WNT3: variants seen among roughly 807,000 people sequenced by gnomAD.
WNT3 encodes proto-oncogene Wnt-3.
A neutral mutation model predicts 34.2 loss-of-function variants in WNT3; 7 were observed. That is an observed-to-expected ratio of 0.20 (90% CI 0.12 to 0.38). The LOEUF (loss-of-function observed/expected upper bound fraction) is 0.38, where lower values mean the gene tolerates loss of function less well. Ranked by LOEUF, WNT3 falls within the 10% of genes least tolerant of loss-of-function variation. The probability of loss-of-function intolerance (pLI) is 1.00; values close to 1 mark genes in which losing one functional copy is unlikely to be tolerated. For synonymous variants in WNT3, 212 were observed against 211.5 expected (o/e 1.00, Z -0.02); for missense variants, 267 against 499.8 (o/e 0.53, Z 4.44).
rs545170358 is a variant in WNT3 at position 46,777,493 on chromosome 17, C to T, written c.81-3584G>A. ...GCATGGCTTGATTGGCCTCAAAGGT[C>T]GGAGTGCTTCCCAGACATCTCCAGG... On this transcript the variant is annotated intron_variant, in intron 1 of 4. Coordinates refer to ENST00000225512, the MANE Select transcript of WNT3 (RefSeq NM_030753.5). Among the ~76,000 whole-genome samples, 41 of 152,368 alleles carry T rather than the reference C, an allele frequency of 2.7e-4. 2 individuals carry two copies. Among genetic ancestry groups the T allele is most frequent in the South Asian group, 2.1e-3 (10 of 4,830 alleles).
intron 1 of WNT3, among the ~76,000 whole-genome samples, chr17:46,785,910 C>T (rs1371255908): frequency 2.0e-5 from 3 of 152,202 alleles, no homozygotes; most frequent in Non-Finnish European, 4.4e-5. Context: ...CTTCTGTTCT[C>T]CAAAGCAGCT....
Position 46,784,770 on chromosome 17 carries a change from T to G in WNT3, c.81-10861A>C, listed in dbSNP as rs1006694163. Among the ~76,000 whole-genome samples, 30 of 126,056 alleles carry G rather than the reference T, an allele frequency of 2.4e-4. No homozygotes were observed. In the Admixed American group the frequency reaches 2.7e-3, roughly 11 times the overall value. 82.7% of individuals were successfully genotyped at this position (126,056 alleles called of 152,430 possible). A position where few individuals can be genotyped will look rare whatever the true frequency, so the allele number is the denominator to read the frequency against. ...TACCTCCTCTGCGCTTTCCCCTTTTTGCTTTTCTTTTTTTTTTTTTTTTGA... is the reference window on the plus strand; with the variant it reads ...TACCTCCTCTGCGCTTTCCCCTTTTGGCTTTTCTTTTTTTTTTTTTTTTGA... On this transcript the variant is annotated intron_variant, in intron 1 of 4. Coordinates refer to ENST00000225512, the MANE Select transcript of WNT3 (RefSeq NM_030753.5).
At chr17:46,781,189 G>A (rs1424287585) in intron 1 of WNT3, among the ~76,000 whole-genome samples, 1 of 150,876 alleles carries the variant, frequency 6.6e-6, no homozygotes, top group Non-Finnish European at 1.5e-5. Flanking sequence ...TTGCGCCACT[G>A]CACTCCAGCT....
rs575859257 is a variant in WNT3 at position 46,779,103 on chromosome 17, A to C, written c.81-5194T>G. Reference sequence around the variant, plus strand: ...CACACACACACACACACACACACACACCCCAGCCCACTCGGCCTTCCAAAG... The same window carrying C: ...CACACACACACACACACACACACACCCCCCAGCCCACTCGGCCTTCCAAAG... On this transcript the variant is annotated intron_variant, in intron 1 of 4. Coordinates refer to ENST00000225512, the MANE Select transcript of WNT3 (RefSeq NM_030753.5). Among the ~76,000 whole-genome samples the C allele has an allele frequency of 0.022, 2,964 of 133,414 alleles. 298 individuals are homozygous for C. In the East Asian group the frequency reaches 0.24, roughly 11 times the overall value. The allele number at this position is 133,414 out of a possible 152,430, so 87.5% of individuals were successfully genotyped here.
At position 46,762,550 on chromosome 17, in the gene WNT3, A is replaced by G. The variant is rs994533804; in HGVS notation, c.*2080T>C. On this transcript the variant is annotated 3_prime_UTR_variant, in exon 5 of 5. Coordinates refer to ENST00000225512, the MANE Select transcript of WNT3 (RefSeq NM_030753.5). ...CTCTTTAATGACTTAACAGAAAAAA[A>G]CTGCATGATGAAATATATTTTCTCC... is the stretch of plus-strand genomic sequence containing the variant. 1.1e-4 allele frequency: 17 copies of G among 151,556 alleles called. No homozygotes were observed. The highest frequency in any genetic ancestry group is 2.5e-4 in the Non-Finnish European group (17 of 67,934). 9.4% of individuals were successfully genotyped at this position (151,556 alleles called of 1,614,324 possible).
rs1441287140 is a variant in WNT3 at position 46,769,997 on chromosome 17, A to T, written c.374T>A (p.Phe125Tyr). ...VHAIASAGVA[F>Y]AVTRSCAEGT... ...CTCGGCGCAGGAGCGGGTGACGGCG[A>T]AGGCCACGCCGGCCGAGGCGATGGC... Residue 125 changes from phenylalanine (F) to tyrosine (Y), a missense_variant, in exon 3 of 5, where the codon TTC (phenylalanine) becomes TAC (tyrosine). By Grantham distance (22) the Phe-to-Tyr change is conservative (BLOSUM62 3). Around this residue, in one of 3 missense-constraint regions of WNT3, gnomAD observed 181 missense variants for 391.3 expected, o/e 0.46. Coordinates refer to ENST00000225512, the MANE Select transcript of WNT3 (RefSeq NM_030753.5). The T allele has an allele frequency of 1.0e-5, 16 of 1,602,822 alleles. No homozygotes were observed. Among genetic ancestry groups the T allele is most frequent in the Admixed American group, 1.7e-5 (1 of 58,308 alleles).
At chr17:46,804,865 A>G (rs1041119671) in intron 1 of WNT3, among the ~76,000 whole-genome samples, 8 of 152,152 alleles carry the variant, frequency 5.3e-5, no homozygotes, top group Admixed American at 1.3e-4. Context: ...AAATGGACCA[A>G]TCAGCAGGAC....
intron 1 of WNT3, among the ~76,000 whole-genome samples, chr17:46,804,504 C>A (rs182704186): frequency 1.3e-5 from 2 of 152,172 alleles, no homozygotes; most frequent in Admixed American, 1.3e-4. Context: ...AGACACCAGA[C>A]GGAAGCCTCT....
chr17:46,808,303 G>A (rs1364077005), intron 1 of WNT3, among the ~76,000 whole-genome samples: 1 of 152,166 alleles, frequency 6.6e-6, no homozygotes, highest in Non-Finnish European at 1.5e-5. Context: ...CCAGTGAAGA[G>A]GACACATCCC....
intron 1 of WNT3, among the ~76,000 whole-genome samples, chr17:46,791,650 A>G (rs1055074503): frequency 6.6e-6 from 1 of 152,238 alleles, no homozygotes; most frequent in African/African-American, 2.4e-5. Flanking sequence ...GCTGGGGCAC[A>G]GGGAGTTTCT....
chr17:46,770,952 G>A (rs938597120), intron 2 of WNT3, among the ~76,000 whole-genome samples: 7 of 152,272 alleles, frequency 4.6e-5, no homozygotes, highest in Non-Finnish European at 7.3e-5. Context: ...CCGGGAGCCG[G>A]AGGTGACTCG....
intron 3 of WNT3, 59 bp downstream of exon 3, chr17:46,769,724 T>C: frequency 6.3e-7 from 1 of 1,595,798 alleles, no homozygotes; most frequent in Non-Finnish European, 8.5e-7. Context: ...CCAGGGCAGC[T>C]CCGGAGGGGA....
chr17:46,800,723 G>A (rs2084113724), intron 1 of WNT3, among the ~76,000 whole-genome samples: 1 of 152,208 alleles, frequency 6.6e-6, no homozygotes, highest in Non-Finnish European at 1.5e-5. Context: ...AGGATCCACT[G>A]TGTGCCCTGT....
chr17:46,801,016 ATG>A (rs1320891608), intron 1 of WNT3, among the ~76,000 whole-genome samples: 2 of 152,148 alleles, frequency 1.3e-5, no homozygotes, highest in African/African-American at 2.4e-5. Context: ...TGTCAGCAAA[ATG>A]TGTGTCTAAC....
intron 1 of WNT3, among the ~76,000 whole-genome samples, chr17:46,784,869 G>A (rs1393004180): frequency 5.3e-5 from 8 of 151,200 alleles, no homozygotes; most frequent in African/African-American, 1.9e-4. Flanking sequence ...TCCACCTCCC[G>A]GGTTCACGCC....
chr17:46,765,520 C>T (rs191474617), intron 4 of WNT3, among the ~76,000 whole-genome samples: 5 of 150,178 alleles, frequency 3.3e-5, no homozygotes, highest in South Asian at 4.6e-4. Flanking sequence ...GTGGAGGGCC[C>T]GGGGCCTGCT....
intron 1 of WNT3, among the ~76,000 whole-genome samples, chr17:46,786,068 C>G (rs140184147): frequency 1.4e-5 from 2 of 140,938 alleles, no homozygotes; most frequent in African/African-American, 2.6e-5. Flanking sequence ...CCCACCCCCC[C>G]ACCCCTTCAT....
At chr17:46,777,202 T>G (rs1345309684) in intron 1 of WNT3, among the ~76,000 whole-genome samples, 5 of 151,996 alleles carry the variant, frequency 3.3e-5, no homozygotes, top group Non-Finnish European at 5.9e-5. Context: ...AGAGCGAGAC[T>G]TCGTCTCAAA....
intron 4 of WNT3, among the ~76,000 whole-genome samples, chr17:46,765,663 G>C (rs539603040): frequency 6.6e-6 from 1 of 152,222 alleles, no homozygotes; most frequent in African/African-American, 2.4e-5. Context: ...GCGGAGTCTC[G>C]GCCGAGCCTG....
Sources: allele counts gnomAD v4.1 joint callset (sites outside exome capture counted in the v4.1 genomes callset), GRCh38; gene constraint gnomAD v4.1.1; regional missense constraint gnomAD v4.1.1; transcripts MANE v1.5; gene names NCBI Gene and HGNC (gene_info 2026-07-23, HGNC 2026-07-21).